The following NBEA variants were observed in gnomAD, a reference collection of about 807,000 sequenced individuals.
NBEA encodes the protein lysosomal-trafficking regulator 2.
In NBEA, 44 loss-of-function variants were observed where a neutral mutation model predicts 343.4. The ratio of observed to expected loss-of-function variants is 0.13; its 90% CI spans 0.10 to 0.16. The LOEUF (loss-of-function observed/expected upper bound fraction) is 0.16, where lower values mean the gene tolerates loss of function less well. Among genes scored for constraint, NBEA ranks in the 10% least tolerant of loss-of-function variants. NBEA has a pLI of 1.00. For missense variants in NBEA, 2,555 were observed against 3,631.3 expected, an observed-to-expected ratio of 0.70 and a Z score of 7.62; for synonymous variants, 1,175 against 1,238.7, an observed-to-expected ratio of 0.95 and a Z score of 1.08.
chr13:35,008,286 G>A (rs774351450), intron 1 of NBEA, among the ~76,000 whole-genome samples: 1 of 152,162 alleles, frequency 6.6e-6, no homozygotes, highest in Non-Finnish European at 1.5e-5. Context: ...TGGGAGATTA[G>A]TTTCAGGACC....
At position 35,164,488 on chromosome 13, in the gene NBEA, C is replaced by G. The variant is rs571479766; in HGVS notation, c.4212C>G (p.Leu1404=). ...CTTGTGGAGGAATTTTACCTTTGCT[C>G]TCTGCTGCTACATCACCAACTGTAA... ...IIACGGILPL[L]SAATSPTGSK... is the part of the protein sequence containing the mutation. The change falls in exon 24 of 59, where the codon CTC becomes CTG. Residue 1404 remains leucine, a synonymous_variant. Coordinates refer to ENST00000379939, the MANE Select transcript of NBEA (RefSeq NM_001385012.1). The G allele has an allele frequency of 3.7e-6, 6 of 1,610,726 alleles. No homozygotes were observed. The highest frequency in any genetic ancestry group is 2.2e-5 in the South Asian group (2 of 90,488).
intron 10 of NBEA, among the ~76,000 whole-genome samples, chr13:35,093,055 T>C (rs2065166054): frequency 6.6e-6 from 1 of 152,032 alleles, no homozygotes; most frequent in African/African-American, 2.4e-5. Context: ...AGAGGCAATA[T>C]GCTGAGCTTA....
At chr13:35,413,442 T>C (rs903911139) in intron 38 of NBEA, among the ~76,000 whole-genome samples, 3 of 152,162 alleles carry the variant, frequency 2.0e-5, no homozygotes, top group African/African-American at 7.2e-5. Context: ...ACGTATTAAA[T>C]AATCAATTAA....
chr13:34,963,223 T>C (rs999471350), intron 1 of NBEA, among the ~76,000 whole-genome samples: 5 of 152,020 alleles, frequency 3.3e-5, no homozygotes, highest in Non-Finnish European at 7.4e-5. Flanking sequence ...ACAGTTCTAG[T>C]GGCCGCAGGA....
rs752352037 is a variant in NBEA, at chr13:35,645,856, T to C, written c.7618-13T>C. On this transcript the variant is annotated splice_polypyrimidine_tract_variant and intron_variant, in intron 49 of 58. Coordinates refer to ENST00000379939, the MANE Select transcript of NBEA (RefSeq NM_001385012.1). ...GTAGACTTCATGTCTCATTCTTTTT[T>C]TTCCCCATTAAGATTCCAGAAGCTT... is the stretch of plus-strand genomic sequence containing the variant. The C allele has an allele frequency of 1.3e-6, 2 of 1,530,672 alleles. No homozygotes were observed. The highest frequency in any genetic ancestry group is 2.4e-5 in the South Asian group (2 of 83,664). The allele number at this position is 1,530,672 out of a possible 1,614,324, so 94.8% of individuals were successfully genotyped here.
intron 30 of NBEA, among the ~76,000 whole-genome samples, chr13:35,194,396 C>T (rs1408640877): frequency 2.0e-5 from 3 of 152,106 alleles, no homozygotes; most frequent in African/African-American, 7.2e-5. Flanking sequence ...GTCCTAACAA[C>T]CTTTGAATTC....
chr13:35,335,646 C>T (rs920564338), intron 36 of NBEA, among the ~76,000 whole-genome samples: 11 of 151,988 alleles, frequency 7.2e-5, no homozygotes, highest in African/African-American at 2.4e-4. Flanking sequence ...GACACAACTT[C>T]GTAAGTCAGA....
intron 34 of NBEA, among the ~76,000 whole-genome samples, chr13:35,255,480 G>A (rs1186069453): frequency 2.0e-5 from 3 of 152,204 alleles, no homozygotes; most frequent in Non-Finnish European, 4.4e-5. Flanking sequence ...CGCAGGTTCC[G>A]GCCACTGTGC....
intron 45 of NBEA, among the ~76,000 whole-genome samples, chr13:35,575,441 T>C (rs955603972): frequency 2.6e-5 from 4 of 152,172 alleles, no homozygotes; most frequent in African/African-American, 9.7e-5. Context: ...TGGAAAGGTT[T>C]TGTTTGTTTT....
intron 18 of NBEA, among the ~76,000 whole-genome samples, chr13:35,152,965 T>G (rs536843780): frequency 1.3e-5 from 2 of 152,224 alleles, no homozygotes; most frequent in East Asian, 3.9e-4. Flanking sequence ...TTAGAATGTT[T>G]GGGTCTACAT....
Position 35,170,606 on chromosome 13 carries a change from T to A in NBEA, c.4243-666T>A, listed in dbSNP as rs188294099. On this transcript the variant is annotated intron_variant, in intron 25 of 58. Coordinates refer to ENST00000379939, the MANE Select transcript of NBEA (RefSeq NM_001385012.1). ...ATGTAGTGAAAGTACAGTTTTCCAA[T>A]CTAGAATGCTATGATTCTTTTTATT... is the stretch of plus-strand genomic sequence containing the variant. Among the ~76,000 whole-genome samples the A allele has an allele frequency of 1.1e-4, 17 of 151,994 alleles. No individual in the cohort carries two copies. In the East Asian group the frequency reaches 3.1e-3, roughly 28 times the overall value.
At chr13:35,430,218 T>C (rs912251399) in intron 38 of NBEA, among the ~76,000 whole-genome samples, 2 of 152,168 alleles carry the variant, frequency 1.3e-5, no homozygotes, top group Non-Finnish European at 2.9e-5. Flanking sequence ...ATTAATGATA[T>C]TGAGCATTCT....
intron 1 of NBEA, among the ~76,000 whole-genome samples, chr13:35,016,615 CACACACATTT>C (rs1210828191): frequency 4.6e-5 from 7 of 151,724 alleles, no homozygotes. Context: ...CACACACACA[CACACACATTT>C]ATTTATTTTA....
At chr13:35,133,284 A>G (rs2589648) in intron 17 of NBEA, among the ~76,000 whole-genome samples, 139,365 of 152,138 alleles carry the variant, frequency 0.92, 63,965 homozygotes, top group Admixed American at 0.96. Flanking sequence ...AATCAAGAAA[A>G]TGCAAATAAA....
At chr13:35,046,424 A>C (rs1411765216) in intron 4 of NBEA, among the ~76,000 whole-genome samples, 2 of 152,160 alleles carry the variant, frequency 1.3e-5, no homozygotes, top group East Asian at 3.9e-4. Flanking sequence ...CTTGATCTGC[A>C]TCCTGAACAT....
chr13:35,346,864 A>G (rs867294036), intron 36 of NBEA, among the ~76,000 whole-genome samples: 2 of 152,110 alleles, frequency 1.3e-5, no homozygotes, highest in South Asian at 4.1e-4. Context: ...ACGGATTTCT[A>G]CTGAGAACTA....
intron 38 of NBEA, among the ~76,000 whole-genome samples, chr13:35,409,944 C>T (rs2043489317): frequency 6.6e-6 from 1 of 152,060 alleles, no homozygotes; most frequent in South Asian, 2.1e-4. Flanking sequence ...GTTATACCAT[C>T]TAACCTATAC....
chr13:35,153,862 A>G (rs1221409009), intron 18 of NBEA, among the ~76,000 whole-genome samples: 2 of 152,172 alleles, frequency 1.3e-5, no homozygotes, highest in Non-Finnish European at 2.9e-5. Flanking sequence ...GATCTCATCC[A>G]CTGGGCTATA....
intron 1 of NBEA, among the ~76,000 whole-genome samples, chr13:34,974,125 C>T (rs1336285797): frequency 6.6e-6 from 1 of 152,216 alleles, no homozygotes; most frequent in Non-Finnish European, 1.5e-5. Context: ...GTTCCTCCGG[C>T]TTTGTGTCAC....
Sources: allele counts gnomAD v4.1 joint callset (sites outside exome capture counted in the v4.1 genomes callset), GRCh38; gene constraint gnomAD v4.1.1; transcripts MANE v1.5; gene names NCBI Gene and HGNC (gene_info 2026-07-23, HGNC 2026-07-21).